Variants in COLEC10 observed in about 807,000 individuals in gnomAD.
COLEC10 encodes the protein collectin subfamily member 10, also known as collectin-10.
A neutral mutation model predicts 28.4 loss-of-function variants in COLEC10; 22 were observed. The ratio of observed to expected loss-of-function variants is 0.78; its 90% confidence interval spans 0.55 to 1.11. The LOEUF is 1.11. COLEC10 is among the 50% of genes least tolerant of loss of function. The probability of loss-of-function intolerance (pLI) is 0.00; values close to 1 mark genes in which losing one functional copy is unlikely to be tolerated. For synonymous variants in COLEC10, 125 were observed against 116.1 expected (o/e 1.08, Z -0.49); for missense variants, 361 against 344.1 (o/e 1.05, Z -0.39).
chr8:118,999,906 A>T (rs1046990512), intron 1 of COLEC10, among the ~76,000 whole-genome samples: 1 of 91,316 alleles, frequency 1.1e-5, no homozygotes, highest in African/African-American at 6.9e-5. Context: ...AATTCTTTAA[A>T]GAGTTTTTTT....
At chr8:119,016,458 G>A (rs769078850) in intron 2 of COLEC10, among the ~76,000 whole-genome samples, 11 of 151,922 alleles carry the variant, frequency 7.2e-5, no homozygotes, top group Admixed American at 2.0e-4. Flanking sequence ...CCAAGTCTTC[G>A]CTCTTGTAAA....
At chr8:119,091,571 GAA>G (rs377690300) in intron 3 of COLEC10, among the ~76,000 whole-genome samples, 551 of 126,596 alleles carry the variant, frequency 4.4e-3, no homozygotes, top group Non-Finnish European at 5.0e-3. Flanking sequence ...AAGAAAGAAA[GAA>G]AGAGAGAGAG....
intron 1 of COLEC10, among the ~76,000 whole-genome samples, chr8:119,087,558 C>G (rs1374684695): frequency 2.0e-5 from 3 of 152,272 alleles, no homozygotes; most frequent in Admixed American, 2.0e-4. Flanking sequence ...TTATGCTACC[C>G]CATCCCAAGG....
At chr8:119,070,659 T>G (rs1815101167) in intron 1 of COLEC10, among the ~76,000 whole-genome samples, 1 of 150,294 alleles carries the variant, frequency 6.7e-6, no homozygotes, top group Non-Finnish European at 1.5e-5. Flanking sequence ...TTTAAACAAT[T>G]TATGTGAAAT....
chr8:119,049,339 G>A (rs1356443542), intron 2 of COLEC10, among the ~76,000 whole-genome samples: 1 of 148,812 alleles, frequency 6.7e-6, no homozygotes, highest in African/African-American at 2.5e-5. Flanking sequence ...TAGGGATTAG[G>A]TACATTCATA....
At chr8:119,047,771 A>G (rs1472947911) in intron 2 of COLEC10, among the ~76,000 whole-genome samples, 1 of 105,588 alleles carries the variant, frequency 9.5e-6, no homozygotes, top group African/African-American at 5.5e-5. Flanking sequence ...GAATTATAAG[A>G]AAAACAGGCT....
At chr8:119,061,999 A>C (rs1277731695) in intron 2 of COLEC10, among the ~76,000 whole-genome samples, 2 of 152,170 alleles carry the variant, frequency 1.3e-5, no homozygotes. Context: ...TGGTACATAG[A>C]AAGCTATGCA....
chr8:119,039,772 GCA>G (rs1814459930), intron 2 of COLEC10, among the ~76,000 whole-genome samples: 1 of 152,088 alleles, frequency 6.6e-6, no homozygotes, highest in African/African-American at 2.4e-5. Flanking sequence ...TTCAAAGTCA[GCA>G]ACATCTGACC....
the COLEC10 span, among the ~76,000 whole-genome samples, chr8:118,983,812 A>G: frequency 6.6e-6 from 1 of 152,284 alleles, no homozygotes; most frequent in Admixed American, 6.5e-5. Context: ...CAGAATGGCT[A>G]TTGTTAAAAA....
chr8:118,994,799 GT>G (rs138025463), upstream of COLEC10, among the ~76,000 whole-genome samples: 929 of 152,194 alleles, frequency 6.1e-3, 13 homozygotes, highest in African/African-American at 0.021. Flanking sequence ...TGAAATAAAA[GT>G]TATGTATTTA....
At chr8:119,070,446 GCTCTCTCTCTCT>G (rs760543405) in intron 1 of COLEC10, among the ~76,000 whole-genome samples, 1 of 80,600 alleles carries the variant, frequency 1.2e-5, no homozygotes, top group African/African-American at 6.0e-5. Flanking sequence ...GTTCTCCCTC[GCTCTCTCTCTCT>G]CTCTCTCTCT....
At chr8:119,069,651 T>C (rs1236894360) in intron 1 of COLEC10, among the ~76,000 whole-genome samples, 1 of 106,714 alleles carries the variant, frequency 9.4e-6, no homozygotes, top group Admixed American at 1.1e-4. Flanking sequence ...TATATATATA[T>C]ATATATATAT....
At chr8:118,974,169 A>AT in the COLEC10 span, among the ~76,000 whole-genome samples, 1 of 151,648 alleles carries the variant, frequency 6.6e-6, no homozygotes, top group East Asian at 1.9e-4. Flanking sequence ...ACTCTTCTCT[A>AT]TTTTTATTTT....
intron 2 of COLEC10, among the ~76,000 whole-genome samples, chr8:119,018,099 A>C (rs1468543888): frequency 6.6e-6 from 1 of 152,202 alleles, no homozygotes; most frequent in African/African-American, 2.4e-5. Flanking sequence ...GTTTGGAATT[A>C]AACTCTGCCT....
the COLEC10 span, among the ~76,000 whole-genome samples, chr8:118,987,345 C>A: frequency 6.6e-6 from 1 of 152,150 alleles, no homozygotes; most frequent in African/African-American, 2.4e-5. Flanking sequence ...GGGCAGATCA[C>A]TTGAGGCCAG....
chr8:119,101,659 T>C (rs1446288480), intron 3 of COLEC10, among the ~76,000 whole-genome samples: 2 of 152,224 alleles, frequency 1.3e-5, no homozygotes, highest in Non-Finnish European at 2.9e-5. Context: ...TTCTAAAAAT[T>C]GTAAACTCCT....
intron 2 of COLEC10, among the ~76,000 whole-genome samples, chr8:119,015,865 A>G (rs1033233510): frequency 6.6e-6 from 1 of 152,160 alleles, no homozygotes; most frequent in Non-Finnish European, 1.5e-5. Context: ...GAAAATGGCC[A>G]AGCTTTGCTT....
At chr8:119,025,519 T>A (rs1192880498) in intron 2 of COLEC10, among the ~76,000 whole-genome samples, 1 of 152,144 alleles carries the variant, frequency 6.6e-6, no homozygotes, top group Non-Finnish European at 1.5e-5. Context: ...GTGTTCTTCA[T>A]AGTGTAATGG....
chr8:119,102,441 T>G (rs1407213471), intron 4 of COLEC10, 40 bp downstream of exon 4: 1 of 1,517,608 alleles, frequency 6.6e-7, no homozygotes, highest in Non-Finnish European at 9.0e-7. Context: ...TCTAGCATGA[T>G]TCCAAGTTTA....
Sources: gnomAD v4.1 joint callset for allele counts (sites outside exome capture counted in the v4.1 genomes callset) on GRCh38, gnomAD v4.1.1 for gene constraint, MANE v1.5 for transcripts, NCBI Gene and HGNC (gene_info 2026-07-23, HGNC 2026-07-21) for gene names.